The following DOP1B variants were observed in gnomAD, a reference collection of about 807,000 sequenced individuals.
DOP1B encodes the protein protein DOP1B.
In DOP1B, 174 loss-of-function variants were observed where a neutral mutation model predicts 233.5. That is an observed-to-expected ratio of 0.75 (90% CI 0.66 to 0.85). DOP1B has a LOEUF of 0.85. DOP1B is among the 40% of genes least tolerant of loss of function. DOP1B has a pLI of 0.00. For synonymous variants in DOP1B, 1,190 were observed against 1,185.6 expected (o/e 1.00, Z -0.08); for missense variants, 2,652 against 2,846.6 (o/e 0.93, Z 1.56).
intron 30 of DOP1B, 113 bp from the exon 31 acceptor site, chr21:36,280,172 G>A (rs945463478): frequency 2.7e-6 from 2 of 736,608 alleles, no homozygotes; most frequent in Non-Finnish European, 2.2e-6. Context: ...ACTGCACCTG[G>A]CCCAGAAAGC....
At chr21:36,171,249 T>C (rs2065969671) in intron 2 of DOP1B, among the ~76,000 whole-genome samples, 1 of 152,150 alleles carries the variant, frequency 6.6e-6, no homozygotes, top group South Asian at 2.1e-4. Flanking sequence ...CTGTGCTTCT[T>C]TGCTGCCAGG....
intron 14 of DOP1B, among the ~76,000 whole-genome samples, chr21:36,231,520 A>G (rs1015421544): frequency 6.6e-6 from 1 of 152,120 alleles, no homozygotes; most frequent in Non-Finnish European, 1.5e-5. Flanking sequence ...CTTGTGTCTC[A>G]CCACATGGCA....
At chr21:36,182,727 G>GT (rs2066115054) in intron 2 of DOP1B, among the ~76,000 whole-genome samples, 1 of 152,298 alleles carries the variant, frequency 6.6e-6, no homozygotes, top group Non-Finnish European at 1.5e-5. Context: ...TAGTTGGGAG[G>GT]TTGAGGCAGG....
Position 36,209,402 on chromosome 21 carries a change from A to G in DOP1B, c.681+498A>G, listed in dbSNP as rs530965992. Among the ~76,000 whole-genome samples the G allele has an allele frequency of 5.5e-4, 84 of 152,258 alleles. No individual in the cohort carries two copies. In the South Asian group the frequency reaches 0.012, roughly 23 times the overall value. Reference sequence around the variant, plus strand: ...GCCTCCCAAAGTGGCATTAAGATTCATACATTCAAATAAGTGTTCACACCC... The same window carrying G: ...GCCTCCCAAAGTGGCATTAAGATTCGTACATTCAAATAAGTGTTCACACCC... On this transcript the variant is annotated intron_variant, in intron 5 of 36. Transcript: ENST00000691173.
chr21:36,270,818 G>A (rs1345131692), intron 27 of DOP1B, among the ~76,000 whole-genome samples: 4 of 150,530 alleles, frequency 2.7e-5, no homozygotes, highest in African/African-American at 9.8e-5. Flanking sequence ...GGAGGCTGAG[G>A]CAGAGAATTG....
At position 36,157,491 on chromosome 21, in the gene DOP1B, G is replaced by T. The variant is rs562595058; in HGVS notation, c.-27+548G>T. On this transcript the variant is annotated intron_variant, in intron 1 of 36. Coordinates refer to ENST00000691173, the MANE Select transcript of DOP1B (RefSeq NM_001320714.2). ...CGCGCTCTGCCAGCCTGGCCCCTGC[G>T]CCCTGCAGGGTTCCCGGCTGCTCGC... is the stretch of plus-strand genomic sequence containing the variant. 2.0e-5 allele frequency among the ~76,000 whole-genome samples: 3 copies of T among 152,324 alleles called. No individual in the cohort carries two copies. In the South Asian group the frequency reaches 6.2e-4, roughly 32 times the overall value.
At chr21:36,251,757 G>A (rs577269838) in intron 22 of DOP1B, among the ~76,000 whole-genome samples, 1 of 152,314 alleles carries the variant, frequency 6.6e-6, no homozygotes, top group East Asian at 1.9e-4. Context: ...TAATATAGCT[G>A]TGTCTCAGTA....
intron 13 of DOP1B, 45 bp from the exon 14 acceptor site, chr21:36,230,405 T>C (rs749973997): frequency 1.3e-6 from 2 of 1,544,506 alleles, no homozygotes; most frequent in South Asian, 2.4e-5. Context: ...CTTAAATAGC[T>C]TGGTGTTAAG....
chr21:36,159,451 C>CA (rs1264443809), intron 1 of DOP1B, among the ~76,000 whole-genome samples: 9 of 150,506 alleles, frequency 6.0e-5, no homozygotes, highest in South Asian at 2.1e-4. Context: ...AACTCCATCT[C>CA]AAAAAAAAAG....
At chr21:36,278,762 G>A (rs1489448782) in intron 30 of DOP1B, among the ~76,000 whole-genome samples, 1 of 152,086 alleles carries the variant, frequency 6.6e-6, no homozygotes, top group Non-Finnish European at 1.5e-5. Flanking sequence ...CCAGCTACTC[G>A]GGAGGCTGAG....
At position 36,278,317 on chromosome 21, in the gene DOP1B, C is replaced by T. The variant is rs139254621; in HGVS notation, c.5931C>T (p.Leu1977=). ...GGAAGGAGGTCCTGGAGCTGTTTCT[C>T]GACCCCGCTTTCTTTCAGATGGATA... ...AWRKEVLELF[L]DPAFFQMDTS... The change falls in exon 30 of 37, where the codon CTC becomes CTT. Residue 1977 remains leucine (L), a synonymous_variant. Transcript: ENST00000691173. 2.6e-4 allele frequency: 413 copies of T among 1,613,870 alleles called. No homozygotes were observed. Among genetic ancestry groups the T allele is most frequent in the Non-Finnish European group, 3.3e-4 (394 of 1,180,008 alleles).
chr21:36,245,117 AG>A lies in DOP1B; in HGVS notation c.3139del (p.Glu1047ArgfsTer10), dbSNP rs2066940233. On this transcript the variant is annotated frameshift_variant, in exon 19 of 37. Transcript: ENST00000691173. LOFTEE classifies it high-confidence loss of function. This position sits in a 1 kb window ranked among gnomAD's most constrained non-coding sequence, Gnocchi z 5.5. ...FREACAVPEP[Q>X]ESGSEEHLPL... ...GAGGCATGCGCAGTGCCCGAGCCTC[AG>A]GAGAGCGGCTCTGAAGAGCACCTGC... is the stretch of plus-strand genomic sequence containing the variant. The A allele has an allele frequency of 8.7e-6, 14 of 1,613,552 alleles. No individual in the cohort carries two copies. The highest frequency in any genetic ancestry group is 1.3e-5 in the African/African-American group (1 of 74,938).
intron 11 of DOP1B, 97 bp from the exon 12 acceptor site, chr21:36,225,468 C>A: frequency 7.5e-7 from 1 of 1,332,968 alleles, no homozygotes; most frequent in Non-Finnish European, 1.1e-6. Context: ...TGAGCTCAGA[C>A]AGTCCACCCA....
rs746480159 is a variant in DOP1B, at chr21:36,272,367, A to G, written c.5632+2210A>G. ...GATATACTCCATTTAAAAATAAATC[A>G]GGCCGGGCACAGTGGCTCAGGCCTG... On this transcript the variant is annotated intron_variant, in intron 27 of 36. Transcript: ENST00000691173. 1.5e-4 allele frequency among the ~76,000 whole-genome samples: 23 copies of G among 151,678 alleles called. 1 individual carries two copies. Among genetic ancestry groups the G allele is most frequent in the Non-Finnish European group, 2.5e-4 (17 of 67,962 alleles).
intron 24 of DOP1B, among the ~76,000 whole-genome samples, chr21:36,263,063 C>T (rs1270566540): frequency 6.6e-6 from 1 of 151,832 alleles, no homozygotes; most frequent in East Asian, 1.9e-4. Flanking sequence ...GGTGAAACCC[C>T]GTCGCTACTA....
intron 2 of DOP1B, among the ~76,000 whole-genome samples, chr21:36,168,068 C>T (rs558600387): frequency 4.2e-4 from 63 of 151,250 alleles, no homozygotes; most frequent in African/African-American, 1.5e-3. Context: ...CTCAGCCTCC[C>T]GAGTAACTGA....
intron 2 of DOP1B, among the ~76,000 whole-genome samples, chr21:36,177,494 C>G (rs2066044872): frequency 6.6e-6 from 1 of 152,160 alleles, no homozygotes; most frequent in Non-Finnish European, 1.5e-5. Flanking sequence ...AATTATTCCT[C>G]CAGTGCTGTG....
At position 36,182,644 on chromosome 21, in the gene DOP1B, C is replaced by T. The variant is rs183208576; in HGVS notation, c.139-16426C>T. ...AGGAGTTTGAGACCAGCCTGAGCAA[C>T]ATAGCCAGACCCCATCTCTACAAAA... On this transcript the variant is annotated intron_variant, in intron 2 of 36. Transcript: ENST00000691173. Among the ~76,000 whole-genome samples, 347 of 152,202 alleles carry T rather than the reference C, an allele frequency of 2.3e-3. 2 individuals are homozygous for T. The highest frequency in any genetic ancestry group is 3.4e-3 in the Non-Finnish European group (234 of 68,022).
chr21:36,282,915 C>T (rs1300145614), intron 32 of DOP1B, among the ~76,000 whole-genome samples: 2 of 151,622 alleles, frequency 1.3e-5, no homozygotes, highest in African/African-American at 4.8e-5. Flanking sequence ...GGCACTGAGC[C>T]GAGATTGTGC....
Sources: allele counts gnomAD v4.1 joint callset (sites outside exome capture counted in the v4.1 genomes callset), GRCh38; gene constraint gnomAD v4.1.1; non-coding constraint Gnocchi (gnomAD v3.1); transcripts MANE v1.5; gene names NCBI Gene and HGNC (gene_info 2026-07-23, HGNC 2026-07-21).